TRABD2A: variants seen among roughly 807,000 people sequenced by gnomAD.
TRABD2A encodes the protein metalloprotease TIKI1.
Under a neutral mutation model 45.6 loss-of-function variants are expected in TRABD2A, and 43 were observed. The ratio of observed to expected loss-of-function variants is 0.94; its 90% CI spans 0.74 to 1.22. TRABD2A has a LOEUF of 1.22. Among genes scored for constraint, TRABD2A ranks in the 50% most tolerant of loss-of-function variants. The probability of loss-of-function intolerance (pLI) is 0.00; values close to 1 mark genes in which losing one functional copy is unlikely to be tolerated. For synonymous variants in TRABD2A, 269 were observed against 265.0 expected, an observed-to-expected ratio of 1.02 and a Z score of -0.15; for missense variants, 642 against 652.4, an observed-to-expected ratio of 0.98 and a Z score of 0.17.
intron 2 of TRABD2A, among the ~76,000 whole-genome samples, chr2:84,847,673 T>G (rs1483285773): frequency 1.3e-5 from 2 of 152,236 alleles, no homozygotes; most frequent in Non-Finnish European, 2.9e-5. Context: ...TGCCTCCCAC[T>G]GTGCCTCCCT....
intron 1 of TRABD2A, chr2:84,879,719 C>T (rs998387801): frequency 1.9e-6 from 1 of 534,670 alleles, no homozygotes. Context: ...AGTTTGAAAC[C>T]ATGCCTGGTG....
chr2:84,841,816 ATAAT>A (rs1681719390), intron 3 of TRABD2A, 41 bp downstream of exon 3: 1 of 1,449,566 alleles, frequency 6.9e-7, no homozygotes. Context: ...TTTTATTCCT[ATAAT>A]TAAATGTGTG....
intron 6 of TRABD2A, 42 bp downstream of exon 6, chr2:84,823,911 G>A: frequency 6.2e-7 from 1 of 1,609,592 alleles, no homozygotes; most frequent in South Asian, 1.1e-5. Flanking sequence ...CGCTCACTAG[G>A]GTAAAGGTGG....
chr2:84,832,198 T>TACTCCCCAAACAC, intron 4 of TRABD2A, 53 bp from the exon 5 acceptor site: 1 of 1,579,610 alleles, frequency 6.3e-7, no homozygotes, highest in Non-Finnish European at 8.7e-7. Flanking sequence ...CCACCAAACA[T>TACTCCCCAAACAC]ACTCCCCAAA....
At chr2:84,871,042 A>G (rs1682858351) in intron 1 of TRABD2A, among the ~76,000 whole-genome samples, 1 of 152,204 alleles carries the variant, frequency 6.6e-6, no homozygotes, top group Non-Finnish European at 1.5e-5. Flanking sequence ...GAGCTTTAAA[A>G]GAAGCATCTC....
chr2:84,835,229 A>C (rs1240492707), intron 4 of TRABD2A: 2 of 151,078 alleles, frequency 1.3e-5, no homozygotes, highest in African/African-American at 4.9e-5. Flanking sequence ...TAGAGGAAAA[A>C]CTAGAGGTCA....
chr2:84,856,034 C>T (rs963455933), intron 2 of TRABD2A, among the ~76,000 whole-genome samples: 1 of 152,162 alleles, frequency 6.6e-6, no homozygotes, highest in Non-Finnish European at 1.5e-5. Flanking sequence ...AAACAAAGGG[C>T]CTCGCATCTG....
In TRABD2A at chr2:84,870,740, G is replaced by A. The variant is rs985937809; in HGVS notation, c.154C>T (p.Pro52Ser). ...SFLWTIKRDP[P>S]SYFFGTIHVP... ...TGGATTGTGCCAAAGAAGTAAGATG[G>A]TGGGTCTCGCTTAATGGTCCACAAG... The change falls in exon 2 of 7, where the codon CCA becomes TCA. Residue 52 changes from proline (P) to serine (S), a missense_variant. Physicochemically the swap from Pro to Ser is moderately conservative, Grantham distance 74. Coordinates refer to ENST00000409520, the MANE Select transcript of TRABD2A (RefSeq NM_001277053.2). 9 of 1,598,914 alleles carry A rather than the reference G, an allele frequency of 5.6e-6. No individual in the cohort carries two copies. The highest frequency in any genetic ancestry group is 7.7e-6 in the Non-Finnish European group (9 of 1,172,590).
In TRABD2A at chr2:84,821,739, C is replaced by T. The variant is rs892467384; in HGVS notation, c.*178G>A. 8 of 526,666 alleles carry T rather than the reference C, an allele frequency of 1.5e-5. No individual in the cohort carries two copies. Among genetic ancestry groups the T allele is most frequent in the Non-Finnish European group, 2.2e-5 (7 of 323,762 alleles). 32.6% of individuals were successfully genotyped at this position (526,666 alleles called of 1,614,324 possible). ...TGTTACAAAACTGTACACCTGCCCC[C>T]AAAGTTGGATAACCCAAAGTCACAT... On this transcript the variant is annotated 3_prime_UTR_variant, in exon 7 of 7. Transcript: ENST00000409520.
chr2:84,838,135 CT>C (rs2105378928), intron 4 of TRABD2A: 1 of 685,618 alleles, frequency 1.5e-6, no homozygotes, highest in Non-Finnish European at 2.7e-6. Context: ...AAGGATGGAG[CT>C]TTGGAGGAAC....
chr2:84,855,382 A>G (rs1682238955), intron 2 of TRABD2A, among the ~76,000 whole-genome samples: 1 of 152,182 alleles, frequency 6.6e-6, no homozygotes, highest in Non-Finnish European at 1.5e-5. Flanking sequence ...CACAGTAAGT[A>G]AGATACACAG....
intron 2 of TRABD2A, among the ~76,000 whole-genome samples, chr2:84,861,085 C>A (rs1016975705): frequency 6.6e-6 from 1 of 152,060 alleles, no homozygotes; most frequent in Non-Finnish European, 1.5e-5. Flanking sequence ...GCCTGGCGAT[C>A]GATTTACAGG....
At chr2:84,867,676 A>G (rs371527931) in intron 2 of TRABD2A, among the ~76,000 whole-genome samples, 4 of 152,364 alleles carry the variant, frequency 2.6e-5, no homozygotes, top group South Asian at 4.1e-4. Flanking sequence ...AAATTTTTGC[A>G]ATCTACTTAT....
chr2:84,866,207 C>A (rs909964845), intron 2 of TRABD2A, among the ~76,000 whole-genome samples: 1 of 152,198 alleles, frequency 6.6e-6, no homozygotes, highest in Admixed American at 6.5e-5. Context: ...GGGACTGCGG[C>A]CAAACTGGAA....
At chr2:84,871,986 C>T (rs980454359) in intron 1 of TRABD2A, among the ~76,000 whole-genome samples, 1 of 152,170 alleles carries the variant, frequency 6.6e-6, no homozygotes, top group African/African-American at 2.4e-5. Context: ...CAAGCAGTTG[C>T]ACATGCTGAG....
chr2:84,839,462 G>T, intron 3 of TRABD2A, 139 bp from the exon 4 acceptor site: 4 of 794,464 alleles, frequency 5.0e-6, no homozygotes, highest in Non-Finnish European at 5.8e-6. Flanking sequence ...GGAGTTTCCT[G>T]TCTGCTATGT....
intron 4 of TRABD2A, among the ~76,000 whole-genome samples, chr2:84,838,796 A>G (rs1165328085): frequency 6.6e-6 from 1 of 152,234 alleles, no homozygotes; most frequent in Non-Finnish European, 1.5e-5. Context: ...GTCAGGTAGA[A>G]GAGTAAAGAC....
At chr2:84,856,776 T>A (rs1682324222) in intron 2 of TRABD2A, among the ~76,000 whole-genome samples, 1 of 152,118 alleles carries the variant, frequency 6.6e-6, no homozygotes, top group Admixed American at 6.5e-5. Context: ...TCAGTTCAGC[T>A]CCAGCCCTGA....
At chr2:84,823,399 G>A (rs1157356144) in intron 6 of TRABD2A, among the ~76,000 whole-genome samples, 1 of 152,176 alleles carries the variant, frequency 6.6e-6, no homozygotes, top group Non-Finnish European at 1.5e-5. Context: ...GACTCAATAA[G>A]GCTGAGATTA....
Sources: allele counts gnomAD v4.1 joint callset (sites outside exome capture counted in the v4.1 genomes callset), GRCh38; gene constraint gnomAD v4.1.1; transcripts MANE v1.5; gene names NCBI Gene and HGNC (gene_info 2026-07-23, HGNC 2026-07-21).